The following ITGA4 variants were observed in gnomAD, a reference collection of about 807,000 sequenced individuals.
The protein encoded by ITGA4 is integrin subunit alpha 4, also known as integrin alpha-4.
Under a neutral mutation model 133.6 loss-of-function variants are expected in ITGA4, and 63 were observed. The ratio of observed to expected loss-of-function variants is 0.47; its 90% CI spans 0.38 to 0.58. The LOEUF (loss-of-function observed/expected upper bound fraction) is 0.58. ITGA4 is among the 20% of genes least tolerant of loss of function. The pLI, the probability that ITGA4 is intolerant of heterozygous loss-of-function variation, is 0.00. For synonymous variants in ITGA4, 483 were observed against 438.0 expected, an observed-to-expected ratio of 1.10 and a Z score of -1.28; for missense variants, 1,076 against 1,252.7, an observed-to-expected ratio of 0.86 and a Z score of 2.13.
In ITGA4 at chr2:181,538,126, C is replaced by T; in HGVS notation, c.*2599C>T. 1 of 1,204,602 alleles carries T rather than the reference C, an allele frequency of 8.3e-7. No homozygotes were observed. The highest frequency in any genetic ancestry group is 1.2e-5 in the South Asian group (1 of 81,456). 74.6% of individuals were successfully genotyped at this position (1,204,602 alleles called of 1,614,324 possible). ...TGGGGACCACAGGTTTAAAGCATGG[C>T]CACATTTCTTTATATTAAAATTCTA... On this transcript the variant is annotated 3_prime_UTR_variant, in exon 28 of 28. Transcript: ENST00000397033.
Position 181,534,912 on chromosome 2 carries a change from T to C in ITGA4, c.2980T>C (p.Leu994=), listed in dbSNP as rs529856292. The C allele has an allele frequency of 4.4e-6, 7 of 1,580,344 alleles. No individual in the cohort carries two copies. The South Asian group carries it at 4.8e-5, about 11-fold the overall frequency. The change falls in exon 27 of 28, where the codon TTG becomes CTG. Residue 994 remains leucine, a synonymous_variant. Coordinates refer to ENST00000397033, the MANE Select transcript of ITGA4 (RefSeq NM_000885.6). The stretch of plus-strand genomic sequence containing the variant: ...GCTACTTGGACTTATTGTACTTCTA[T>C]TGATCTCATATGTTATGTGGAAGGT... ...SLLLGLIVLL[L]ISYVMWKAGF... is the part of the protein sequence containing the mutation.
intron 2 of ITGA4, among the ~76,000 whole-genome samples, chr2:181,470,058 G>C: frequency 6.6e-6 from 1 of 151,464 alleles, no homozygotes; most frequent in South Asian, 2.1e-4. Context: ...GGAACTTAAA[G>C]TATAATAATA....
At chr2:181,470,438 T>G (rs1239295134) in intron 2 of ITGA4, among the ~76,000 whole-genome samples, 2 of 152,150 alleles carry the variant, frequency 1.3e-5, no homozygotes, top group Non-Finnish European at 1.5e-5. Context: ...CCCAACCATA[T>G]GCTACAACTA....
chr2:181,534,211 C>G, intron 25 of ITGA4, 61 bp from the exon 26 acceptor site: 1 of 1,017,722 alleles, frequency 9.8e-7, no homozygotes, highest in East Asian at 2.5e-5. Context: ...GGTAAAGATC[C>G]TGATAAATTA....
chr2:181,496,869 T>TAAAC (rs2105746316), intron 14 of ITGA4, among the ~76,000 whole-genome samples: 1 of 152,302 alleles, frequency 6.6e-6, no homozygotes, highest in South Asian at 2.1e-4. Flanking sequence ...TGCTGTTATC[T>TAAAC]AAACATCGTG....
intron 1 of ITGA4, 147 bp downstream of exon 1, chr2:181,457,998 C>T (rs565561716): frequency 3.5e-6 from 4 of 1,126,826 alleles, no homozygotes; most frequent in South Asian, 1.6e-5. Context: ...GGAAATCTGC[C>T]AGGGAAACTA....
intron 2 of ITGA4, among the ~76,000 whole-genome samples, chr2:181,469,441 AT>A (rs1685494811): frequency 6.6e-6 from 1 of 152,210 alleles, no homozygotes; most frequent in African/African-American, 2.4e-5. Context: ...TTGTGGAGAA[AT>A]AGGAACACTT....
chr2:181,459,824 C>T (rs1335104951), intron 2 of ITGA4, among the ~76,000 whole-genome samples: 1 of 152,168 alleles, frequency 6.6e-6, no homozygotes, highest in East Asian at 1.9e-4. Context: ...GTCATAGTTT[C>T]CTGATCCATG....
chr2:181,490,343 G>A (rs895258402), intron 10 of ITGA4, among the ~76,000 whole-genome samples: 24 of 152,152 alleles, frequency 1.6e-4, no homozygotes, highest in Admixed American at 1.6e-3. Flanking sequence ...TTAAAGCACT[G>A]ATTTATGAGT....
chr2:181,469,774 A>G (rs1218628657), intron 2 of ITGA4, among the ~76,000 whole-genome samples: 2 of 152,192 alleles, frequency 1.3e-5, no homozygotes, highest in Non-Finnish European at 2.9e-5. Context: ...AGGGACATGG[A>G]TGAAATTGGA....
Position 181,495,662 on chromosome 2 carries a change from T to C in ITGA4, c.1386-121T>C, listed in dbSNP as rs1442496017. 7.3e-6 allele frequency: 6 copies of C among 825,416 alleles called. No individual in the cohort carries two copies. Among genetic ancestry groups the C allele is most frequent in the Non-Finnish European group, 1.1e-5 (6 of 521,808 alleles). 51.1% of individuals were successfully genotyped at this position (825,416 alleles called of 1,614,324 possible). ...TGTGCACAGAAATGTAATTAGTATGTACACACATAATAAGACTCATGAAAT... is the reference window on the plus strand; with the variant it reads ...TGTGCACAGAAATGTAATTAGTATGCACACACATAATAAGACTCATGAAAT... On this transcript the variant is annotated intron_variant, in intron 13 of 27. Transcript: ENST00000397033. This position sits in a 1 kb window ranked among gnomAD's most constrained non-coding sequence, Gnocchi z 4.3.
chr2:181,502,284 A>T (rs1686291520), intron 15 of ITGA4, among the ~76,000 whole-genome samples: 1 of 152,118 alleles, frequency 6.6e-6, no homozygotes, highest in Non-Finnish European at 1.5e-5. Context: ...TTCTTTCAAA[A>T]AGTTTTGCCA....
At chr2:181,527,195 T>G in intron 21 of ITGA4, 102 bp from the exon 22 acceptor site, 2 of 651,570 alleles carry the variant, frequency 3.1e-6, no homozygotes, top group East Asian at 2.9e-5. Flanking sequence ...AAGTATTCCA[T>G]GGTGACTTGT....
At position 181,538,003 on chromosome 2, in the gene ITGA4, A is replaced by AATCT. The variant is rs1217379079; in HGVS notation, c.*2478_*2481dup. 1.5e-6 allele frequency: 1 copy of AATCT among 682,622 alleles called. No homozygotes were observed. The highest frequency in any genetic ancestry group is 2.0e-5 in the Admixed American group (1 of 48,980). The allele number at this position is 682,622 out of a possible 1,614,324, so 42.3% of individuals were successfully genotyped here. ...TCTAGAGTGCCATGTTCCTCAAGAG[A>AATCT]ATCTAATGCCTGATGATCTGAGGTG... On this transcript the variant is annotated 3_prime_UTR_variant, in exon 28 of 28. Transcript: ENST00000397033.
rs527375990 is a variant in ITGA4 at position 181,471,261 on chromosome 2, G to A, written c.320-3699G>A. Among the ~76,000 whole-genome samples the A allele has an allele frequency of 6.6e-5, 10 of 152,080 alleles. No individual in the cohort carries two copies. The East Asian group carries it at 7.7e-4, about 12-fold the overall frequency. The stretch of plus-strand genomic sequence containing the variant: ...TAATAGAAGCTTTGAATTGTTTTTC[G>A]TTTACTGACCTTTCCATTTCAGCAC... On this transcript the variant is annotated intron_variant, in intron 2 of 27. Transcript: ENST00000397033.
Position 181,481,586 on chromosome 2 carries a change from CT to C in ITGA4, c.755-8del. Reference sequence around the variant, plus strand: ...TACCCAGGACTCTCATACTTTCTCCCTTTTCTTAAAGGATATTCAGTCGGAG... The same window carrying C: ...TACCCAGGACTCTCATACTTTCTCCCTTTCTTAAAGGATATTCAGTCGGAG... On this transcript the variant is annotated splice_polypyrimidine_tract_variant and intron_variant, in intron 6 of 27. Transcript: ENST00000397033. The C allele has an allele frequency of 1.9e-6, 3 of 1,538,498 alleles. No individual in the cohort carries two copies. The highest frequency in any genetic ancestry group is 1.4e-5 in the African/African-American group (1 of 73,462).
intron 2 of ITGA4, chr2:181,458,854 G>A (rs1685199679): frequency 6.5e-6 from 1 of 153,008 alleles, no homozygotes; most frequent in Non-Finnish European, 1.5e-5. Flanking sequence ...CATCGTTAAT[G>A]TAGTATAATT....
chr2:181,490,732 C>G (rs1336978872), intron 10 of ITGA4, among the ~76,000 whole-genome samples: 1 of 152,104 alleles, frequency 6.6e-6, no homozygotes, highest in Admixed American at 6.5e-5. Context: ...CCTCAGTTTC[C>G]TCATCTGTAA....
At chr2:181,474,927 T>C (rs201475472) in intron 2 of ITGA4, 33 bp from the exon 3 acceptor site, 20 of 1,535,780 alleles carry the variant, frequency 1.3e-5, no homozygotes, top group South Asian at 3.4e-5. Flanking sequence ...ATGTTTTCAA[T>C]ACAACTGATA....
Sources: allele counts gnomAD v4.1 joint callset (sites outside exome capture counted in the v4.1 genomes callset), GRCh38; gene constraint gnomAD v4.1.1; non-coding constraint Gnocchi (gnomAD v3.1); transcripts MANE v1.5; gene names NCBI Gene and HGNC (gene_info 2026-07-23, HGNC 2026-07-21).